The following CD55 variants were observed in gnomAD, a reference collection of about 807,000 sequenced individuals.
CD55 encodes the protein complement decay-accelerating factor.
A neutral mutation model predicts 45.8 loss-of-function variants in CD55; 41 were observed. That is an observed-to-expected ratio of 0.90 (90% CI 0.70 to 1.16). The LOEUF is 1.16. CD55 is among the 50% of genes most tolerant of loss of function. The pLI, the probability that CD55 is intolerant of heterozygous loss-of-function variation, is 0.00. For missense variants in CD55, 416 were observed against 469.8 expected, an observed-to-expected ratio of 0.89 and a Z score of 1.06; for synonymous variants, 181 against 181.1, an observed-to-expected ratio of 1.00 and a Z score of 0.01.
chr1:207,331,088 T>A lies in CD55; in HGVS notation c.665-20T>A, dbSNP rs763945847. 1.3e-6 allele frequency: 2 copies of A among 1,546,790 alleles called. No homozygotes were observed. The highest frequency in any genetic ancestry group is 8.9e-7 in the Non-Finnish European group (1 of 1,129,920). On this transcript the variant is annotated intron_variant, in intron 5 of 9. Transcript: ENST00000367064. ...TTACTAGTTTTATTTATTTAAAAGA[T>A]GTTGGAATTGTTTTTTAAGAAATTT...
Position 207,336,741 on chromosome 1 carries a change from C to G in CD55, c.902C>G (p.Thr301Arg), listed in dbSNP as rs1206272644. 2 of 1,613,834 alleles carry G rather than the reference C, an allele frequency of 1.2e-6. No individual in the cohort carries two copies. The highest frequency in any genetic ancestry group is 2.2e-5 in the South Asian group (2 of 91,066). The change falls in exon 7 of 10, where the codon ACA (threonine) becomes AGA (arginine). Residue 301 changes from threonine (T) to arginine (R), a missense_variant. Thr to Arg is a moderately conservative substitution (Grantham distance 71). Transcript: ENST00000367064. Reference sequence around the variant, plus strand: ...CCACCAACAGTTCAGAAACCTACCACAGTAAATGTTCCAACTACAGAAGTC... The same window carrying G: ...CCACCAACAGTTCAGAAACCTACCAGAGTAAATGTTCCAACTACAGAAGTC... ...KVPPTVQKPTTVNVPTTEVSP... is the reference protein window; with the variant it reads ...KVPPTVQKPTRVNVPTTEVSP...
chr1:207,359,515 A>ATTTTTTTTT, intron 9 of CD55, 31 bp from the exon 10 acceptor site: 1 of 697,278 alleles, frequency 1.4e-6, no homozygotes, highest in Non-Finnish European at 2.0e-6. Flanking sequence ...TTTGATTTTA[A>ATTTTTTTTT]CTTTTTTTTT....
At chr1:207,347,836 G>T (rs1476817887) in intron 9 of CD55, among the ~76,000 whole-genome samples, 1 of 152,104 alleles carries the variant, frequency 6.6e-6, no homozygotes, top group Non-Finnish European at 1.5e-5. Context: ...TGCAGTATTT[G>T]GTTTTCTGTT....
At chr1:207,326,038 C>T (rs1008332322) in intron 4 of CD55, among the ~76,000 whole-genome samples, 4 of 152,016 alleles carry the variant, frequency 2.6e-5, no homozygotes, top group Non-Finnish European at 5.9e-5. Flanking sequence ...ATGTTAAATA[C>T]TAAACCAATC....
In CD55 at chr1:207,359,023, A is replaced by G. The variant is rs999344691; in HGVS notation, c.1082-523A>G. ...TGCTTGGTGGCTTTTAGAGTTTTCA[A>G]TGTTTAAGAAAAATTATAATATGTG... On this transcript the variant is annotated intron_variant, in intron 9 of 9. Coordinates refer to ENST00000367064, the MANE Select transcript of CD55 (RefSeq NM_000574.5). 1.7e-4 allele frequency among the ~76,000 whole-genome samples: 26 copies of G among 152,248 alleles called. 1 individual carries two copies. In the East Asian group the frequency reaches 2.5e-3, roughly 15 times the overall value.
chr1:207,355,607 A>G (rs540023609), intron 9 of CD55, among the ~76,000 whole-genome samples: 4 of 152,328 alleles, frequency 2.6e-5, no homozygotes, highest in African/African-American at 9.6e-5. Flanking sequence ...TTGCCCTCCA[A>G]TCTCAGATGA....
intron 5 of CD55, among the ~76,000 whole-genome samples, chr1:207,328,855 C>T (rs913855270): frequency 6.6e-6 from 1 of 152,106 alleles, no homozygotes. Context: ...TTAGGGCCAC[C>T]CCTAACATTT....
intron 6 of CD55, among the ~76,000 whole-genome samples, chr1:207,335,308 A>G (rs2102404275): frequency 6.6e-6 from 1 of 152,312 alleles, no homozygotes; most frequent in Non-Finnish European, 1.5e-5. Context: ...ATTAGGACCG[A>G]TGACAGGTAT....
At chr1:207,325,334 CAAAA>C (rs59606883) in intron 3 of CD55, among the ~76,000 whole-genome samples, 2 of 115,640 alleles carry the variant, frequency 1.7e-5, no homozygotes. Flanking sequence ...AACTCCATCT[CAAAA>C]AAAAAAAAAA....
In CD55 at chr1:207,336,690, C is replaced by T; in HGVS notation, c.854-3C>T. 1.9e-6 allele frequency: 3 copies of T among 1,612,784 alleles called. No individual in the cohort carries two copies. Among genetic ancestry groups the T allele is most frequent in the Non-Finnish European group, 2.5e-6 (3 of 1,179,476 alleles). ...ACTTGTTTCTCAACCTTTTCTTTCA[C>T]AGGAAAATCTCTAACTTCCAAGGTC... On this transcript the variant is annotated splice_polypyrimidine_tract_variant and splice_region_variant and intron_variant, in intron 6 of 9. Coordinates refer to ENST00000367064, the MANE Select transcript of CD55 (RefSeq NM_000574.5).
intron 8 of CD55, 93 bp from the exon 9 acceptor site, chr1:207,339,304 A>G: frequency 1.2e-6 from 1 of 828,546 alleles, no homozygotes; most frequent in Non-Finnish European, 2.0e-6. Flanking sequence ...CGAGTTTTCT[A>G]GTGTAGTTTA....
At chr1:207,353,982 A>G in intron 9 of CD55, 1 of 1,529,858 alleles carries the variant, frequency 6.5e-7, no homozygotes. Flanking sequence ...TTCATAGCAC[A>G]TGCATTGCAT....
chr1:207,333,856 G>A (rs527471842), intron 6 of CD55, among the ~76,000 whole-genome samples: 27 of 152,140 alleles, frequency 1.8e-4, no homozygotes, highest in South Asian at 4.1e-4. Flanking sequence ...AAAGGAATGT[G>A]AAATATAGAT....
intron 9 of CD55, among the ~76,000 whole-genome samples, chr1:207,343,486 A>G (rs906413983): frequency 5.9e-5 from 9 of 152,134 alleles, no homozygotes; most frequent in Non-Finnish European, 1.3e-4. Context: ...ACGGTTTCCA[A>G]AGTTCCTGTT....
rs577285009 is a variant in CD55 at position 207,354,795 on chromosome 1, T to A, written c.1082-4751T>A. ...GATACGTAGAATTTTGTTTTTCATA[T>A]TTCTGTGTTTTGCCTTGGTTTTCTG... is the stretch of plus-strand genomic sequence containing the variant. On this transcript the variant is annotated intron_variant, in intron 9 of 9. Transcript: ENST00000367064. Among the ~76,000 whole-genome samples, 121 of 152,332 alleles carry A rather than the reference T, an allele frequency of 7.9e-4. 1 individual carries two copies. The highest frequency in any genetic ancestry group is 2.7e-3 in the African/African-American group (111 of 41,586).
intron 5 of CD55, among the ~76,000 whole-genome samples, chr1:207,329,505 T>C (rs1380875467): frequency 6.6e-6 from 1 of 152,216 alleles, no homozygotes; most frequent in Non-Finnish European, 1.5e-5. Flanking sequence ...TTCCTTAGTA[T>C]AGTGTACAAG....
intron 1 of CD55, 66 bp downstream of exon 1, chr1:207,321,931 G>A: frequency 8.5e-7 from 1 of 1,178,674 alleles, no homozygotes; most frequent in South Asian, 1.5e-5. Flanking sequence ...CGGTCTCTGA[G>A]ACACGCACAG....
At chr1:207,334,067 A>T (rs997945190) in intron 6 of CD55, among the ~76,000 whole-genome samples, 6 of 152,130 alleles carry the variant, frequency 3.9e-5, no homozygotes, top group African/African-American at 1.2e-4. Flanking sequence ...CTCTGACTCT[A>T]AGCTGAATAA....
In CD55 at chr1:207,323,836, G is replaced by A. The variant is rs1210165737; in HGVS notation, c.287-723G>A. Among the ~76,000 whole-genome samples, 4 of 152,182 alleles carry A rather than the reference G, an allele frequency of 2.6e-5. No homozygotes were observed. In the East Asian group the frequency reaches 7.7e-4, roughly 29 times the overall value. ...TCCTCCAAACAACCTTATGAGGTAA[G>A]TTGGGGCTCTTACACTCTTTTTATG... is the stretch of plus-strand genomic sequence containing the variant. On this transcript the variant is annotated intron_variant, in intron 2 of 9. Coordinates refer to ENST00000367064, the MANE Select transcript of CD55 (RefSeq NM_000574.5).
Sources: allele counts gnomAD v4.1 joint callset (sites outside exome capture counted in the v4.1 genomes callset), GRCh38; gene constraint gnomAD v4.1.1; transcripts MANE v1.5; gene names NCBI Gene and HGNC (gene_info 2026-07-23, HGNC 2026-07-21).